Variants in TSHZ2 observed in about 807,000 individuals in gnomAD.
TSHZ2 encodes teashirt homolog 2.
A neutral mutation model predicts 74.4 loss-of-function variants in TSHZ2; 21 were observed. That is an observed-to-expected ratio of 0.28 (90% CI 0.20 to 0.41). TSHZ2 has a LOEUF of 0.41. Ranked by LOEUF, TSHZ2 falls within the 10% of genes least tolerant of loss-of-function variation. The pLI is 1.00. For missense variants in TSHZ2, 1,244 were observed against 1,293.5 expected, an observed-to-expected ratio of 0.96 and a Z score of 0.59; for synonymous variants, 540 against 515.3, an observed-to-expected ratio of 1.05 and a Z score of -0.65.
intron 2 of TSHZ2, among the ~76,000 whole-genome samples, chr20:53,475,417 A>C (rs1985963538): frequency 8.5e-6 from 1 of 117,390 alleles, no homozygotes; most frequent in Admixed American, 8.7e-5. Context: ...TACTGGGTAC[A>C]TAACGAAATG....
intron 1 of TSHZ2, among the ~76,000 whole-genome samples, chr20:53,125,706 C>A (rs1348362219): frequency 1.3e-5 from 2 of 151,986 alleles, no homozygotes; most frequent in East Asian, 3.9e-4. Flanking sequence ...TACCCAAACA[C>A]CTAATTATAC....
intron 1 of TSHZ2, among the ~76,000 whole-genome samples, chr20:53,085,740 A>G (rs947239618): frequency 3.3e-5 from 5 of 152,234 alleles, no homozygotes; most frequent in South Asian, 2.1e-4. Context: ...AGACCTCATG[A>G]TCTTAAACAC....
At chr20:53,141,811 C>G (rs534710511) in intron 1 of TSHZ2, among the ~76,000 whole-genome samples, 1 of 152,328 alleles carries the variant, frequency 6.6e-6, no homozygotes, top group African/African-American at 2.4e-5. Flanking sequence ...ATGAAGTGTT[C>G]CTGCTGATAG....
chr20:53,342,606 T>A (rs1024405288), intron 2 of TSHZ2, among the ~76,000 whole-genome samples: 2 of 152,122 alleles, frequency 1.3e-5, no homozygotes, highest in African/African-American at 4.8e-5. Flanking sequence ...TTCATCCTCA[T>A]AAGCACAGCA....
At chr20:53,368,822 G>T (rs1399463463) in intron 2 of TSHZ2, among the ~76,000 whole-genome samples, 3 of 152,144 alleles carry the variant, frequency 2.0e-5, no homozygotes, top group Non-Finnish European at 2.9e-5. Flanking sequence ...TGTGTGCCAG[G>T]CACTCTTCTA....
At chr20:53,289,247 A>G (rs1023171080) in intron 2 of TSHZ2, among the ~76,000 whole-genome samples, 2 of 152,146 alleles carry the variant, frequency 1.3e-5, no homozygotes, top group African/African-American at 4.8e-5. Flanking sequence ...CCATATTTTT[A>G]TAACTGCAAA....
chr20:53,096,068 A>G (rs1986034450), intron 1 of TSHZ2, among the ~76,000 whole-genome samples: 1 of 152,170 alleles, frequency 6.6e-6, no homozygotes, highest in South Asian at 2.1e-4. Context: ...TCTAGGGTTT[A>G]AGGATCCTAG....
At chr20:53,351,501 G>C (rs1160939679) in intron 2 of TSHZ2, among the ~76,000 whole-genome samples, 1 of 152,074 alleles carries the variant, frequency 6.6e-6, no homozygotes, top group Non-Finnish European at 1.5e-5. Context: ...AGTATTAATT[G>C]ATTTTTTGTC....
chr20:53,110,262 G>A (rs1047056166), intron 1 of TSHZ2, among the ~76,000 whole-genome samples: 2 of 151,762 alleles, frequency 1.3e-5, no homozygotes, highest in Admixed American at 1.3e-4. Flanking sequence ...TTATGGCTCC[G>A]CAAAACAAGG....
chr20:53,014,234 G>A (rs1360371738), intron 1 of TSHZ2, among the ~76,000 whole-genome samples: 1 of 151,660 alleles, frequency 6.6e-6, no homozygotes, highest in African/African-American at 2.4e-5. Flanking sequence ...GAGAGCGAGT[G>A]CACATCCTCA....
At chr20:53,048,008 T>G (rs936384137) in intron 1 of TSHZ2, among the ~76,000 whole-genome samples, 1 of 152,204 alleles carries the variant, frequency 6.6e-6, no homozygotes, top group Non-Finnish European at 1.5e-5. Context: ...GGTTCGTAAG[T>G]GGCTGAGTGG....
chr20:53,125,626 G>A lies in TSHZ2; in HGVS notation c.41-127873G>A, dbSNP rs539616574. On this transcript the variant is annotated intron_variant, in intron 1 of 2. Coordinates refer to ENST00000371497, the MANE Select transcript of TSHZ2 (RefSeq NM_173485.6). Reference sequence around the variant, plus strand: ...ATTTTATACTATCAGGCAACCCCCCGGTGATCTGCTGACACCTGTGGACCC... The same window carrying A: ...ATTTTATACTATCAGGCAACCCCCCAGTGATCTGCTGACACCTGTGGACCC... Among the ~76,000 whole-genome samples, 5 of 152,126 alleles carry A rather than the reference G, an allele frequency of 3.3e-5. No homozygotes were observed. In the South Asian group the frequency reaches 6.2e-4, roughly 19 times the overall value.
In TSHZ2 at chr20:53,237,989, A is replaced by T. The variant is rs541990020; in HGVS notation, c.41-15510A>T. ...AGACTTGCTCTATGAAAAAATATAC[A>T]TCTGGATAGAGGGGACTCTGGCTTT... On this transcript the variant is annotated intron_variant, in intron 1 of 2. Transcript: ENST00000371497. Among the ~76,000 whole-genome samples the T allele has an allele frequency of 7.2e-5, 11 of 152,286 alleles. No individual in the cohort carries two copies. In the South Asian group the frequency reaches 1.2e-3, roughly 17 times the overall value.
At chr20:53,448,981 CA>C (rs34162962) in intron 2 of TSHZ2, among the ~76,000 whole-genome samples, 3 of 151,690 alleles carry the variant, frequency 2.0e-5, no homozygotes, top group African/African-American at 7.3e-5. Flanking sequence ...CTCCCACACA[CA>C]AAAAAAAGAT....
intron 2 of TSHZ2, among the ~76,000 whole-genome samples, chr20:53,330,198 CT>C (rs1436518873): frequency 6.6e-6 from 1 of 151,762 alleles, no homozygotes; most frequent in Non-Finnish European, 1.5e-5. Flanking sequence ...TTTTTTTAAC[CT>C]TTTGGCTTGA....
At chr20:53,225,925 T>C (rs1296399233) in intron 1 of TSHZ2, among the ~76,000 whole-genome samples, 1 of 152,238 alleles carries the variant, frequency 6.6e-6, no homozygotes, top group African/African-American at 2.4e-5. Flanking sequence ...AGTGAAAAAT[T>C]CTACTATGGA....
chr20:53,351,584 G>A (rs1029865542), intron 2 of TSHZ2, among the ~76,000 whole-genome samples: 2 of 152,150 alleles, frequency 1.3e-5, no homozygotes, highest in Non-Finnish European at 2.9e-5. Flanking sequence ...GTGGCAGGTG[G>A]AATTCTAAAA....
intron 1 of TSHZ2, among the ~76,000 whole-genome samples, chr20:53,013,336 A>G (rs1473811243): frequency 6.6e-6 from 1 of 152,054 alleles, no homozygotes; most frequent in Non-Finnish European, 1.5e-5. Context: ...TTTGTCCTCA[A>G]TGGTTTCTGA....
At chr20:53,287,596 G>C (rs1023450544) in intron 2 of TSHZ2, among the ~76,000 whole-genome samples, 1 of 152,218 alleles carries the variant, frequency 6.6e-6, no homozygotes, top group Non-Finnish European at 1.5e-5. Flanking sequence ...AGGAAGTGTT[G>C]CTTGACTGTC....
Sources: allele counts gnomAD v4.1 joint callset (sites outside exome capture counted in the v4.1 genomes callset), GRCh38; gene constraint gnomAD v4.1.1; transcripts MANE v1.5; gene names NCBI Gene and HGNC (gene_info 2026-07-23, HGNC 2026-07-21).